The following FANCM variants were observed in gnomAD, a reference collection of about 807,000 sequenced individuals.
The protein encoded by FANCM is Fanconi anemia group M protein.
Under a neutral mutation model 199.5 loss-of-function variants are expected in FANCM, and 140 were observed. The ratio of observed to expected loss-of-function variants is 0.70; its 90% CI spans 0.61 to 0.81. The LOEUF (loss-of-function observed/expected upper bound fraction) is 0.81, where lower values mean the gene tolerates loss of function less well. Among genes scored for constraint, FANCM ranks in the 30% least tolerant of loss-of-function variants. FANCM has a pLI of 0.00. For missense variants in FANCM, 2,410 were observed against 2,421.4 expected (o/e 1.00, Z 0.10); for synonymous variants, 840 against 836.8 (o/e 1.00, Z -0.07).
At chr14:45,139,816 G>A (rs1402553521) in intron 2 of FANCM, among the ~76,000 whole-genome samples, 1 of 151,966 alleles carries the variant, frequency 6.6e-6, no homozygotes, top group Non-Finnish European at 1.5e-5. Context: ...TACAGAAAGT[G>A]AAAAAATTAG....
At chr14:45,184,660 CAAAAAAA>C (rs776110476) in intron 17 of FANCM, among the ~76,000 whole-genome samples, 1 of 62,180 alleles carries the variant, frequency 1.6e-5, no homozygotes, top group African/African-American at 6.1e-5. Context: ...GACTCTGTCT[CAAAAAAA>C]AAAAAAAAAA....
At chr14:45,154,543 A>G (rs563155197) in intron 6 of FANCM, among the ~76,000 whole-genome samples, 154 bp from the exon 7 acceptor site, 46 of 152,314 alleles carry the variant, frequency 3.0e-4, no homozygotes, top group African/African-American at 1.1e-3. Flanking sequence ...TCATTAATAC[A>G]TATATGAATG....
At chr14:45,172,424 G>T (rs888587881) in intron 12 of FANCM, among the ~76,000 whole-genome samples, 3 of 152,082 alleles carry the variant, frequency 2.0e-5, no homozygotes, top group Non-Finnish European at 2.9e-5. Context: ...GTTGATTTTT[G>T]TATAAGGTGA....
Position 45,175,975 on chromosome 14 carries a change from T to A in FANCM, c.3221T>A (p.Ile1074Asn), listed in dbSNP as rs774399423. Residue 1074 changes from isoleucine to asparagine, a missense_variant, in exon 14 of 23, where the codon ATT becomes AAT. Transcript: ENST00000267430. ...SCLYDIPNDN[I>N]SDEPSLCDCD... ...CTTTATGATATACCTAATGATAATA[T>A]TTCTGATGAGCCAAGTCTCTGTGAC... The A allele has an allele frequency of 6.2e-7, 1 of 1,613,706 alleles. No individual in the cohort carries two copies. The highest frequency in any genetic ancestry group is 8.5e-7 in the Non-Finnish European group (1 of 1,179,696).
At chr14:45,194,089 G>A (rs1889922483) in intron 20 of FANCM, among the ~76,000 whole-genome samples, 1 of 151,962 alleles carries the variant, frequency 6.6e-6, no homozygotes, top group Non-Finnish European at 1.5e-5. Context: ...ATCACCTGAG[G>A]CTAGGAGCTC....
intron 7 of FANCM, 79 bp downstream of exon 7, chr14:45,154,901 G>A (rs1887072709): frequency 3.8e-6 from 4 of 1,051,194 alleles, no homozygotes; most frequent in Non-Finnish European, 1.5e-6. Context: ...CTCCTTTGAT[G>A]CAAATGTCTA....
At chr14:45,155,569 G>A in intron 8 of FANCM, 110 bp downstream of exon 8, 1 of 634,552 alleles carries the variant, frequency 1.6e-6, no homozygotes, top group Non-Finnish European at 2.9e-6. Flanking sequence ...ACTTTGGGAG[G>A]CCGAGGATCA....
intron 14 of FANCM, among the ~76,000 whole-genome samples, chr14:45,178,450 G>T (rs1038421967): frequency 2.0e-5 from 3 of 152,086 alleles, no homozygotes; most frequent in Non-Finnish European, 4.4e-5. Context: ...TTACAAACAC[G>T]TATCATGGAA....
chr14:45,157,597 A>T (rs1181101758), intron 8 of FANCM, among the ~76,000 whole-genome samples: 1 of 152,214 alleles, frequency 6.6e-6, no homozygotes, highest in Non-Finnish European at 1.5e-5. Flanking sequence ...GAATGAGGGT[A>T]AAAAGGCAGG....
intron 11 of FANCM, among the ~76,000 whole-genome samples, chr14:45,167,743 TTGGATTTTA>T (rs1888085538): frequency 6.6e-6 from 1 of 152,192 alleles, no homozygotes; most frequent in Non-Finnish European, 1.5e-5. Context: ...TGTTTATTTT[TTGGATTTTA>T]CTTAATCTCT....
chr14:45,190,592 C>T (rs1358491311), intron 20 of FANCM, among the ~76,000 whole-genome samples: 1 of 152,078 alleles, frequency 6.6e-6, no homozygotes, highest in Non-Finnish European at 1.5e-5. Context: ...CCTTACTAAC[C>T]ACTATTCTGC....
At chr14:45,148,234 C>A (rs1273017544) in intron 3 of FANCM, among the ~76,000 whole-genome samples, 6 of 150,300 alleles carry the variant, frequency 4.0e-5, no homozygotes, top group East Asian at 1.9e-4. Flanking sequence ...CACACACACA[C>A]AAAACAACTT....
chr14:45,153,900 G>C lies in FANCM; in HGVS notation c.1051-20G>C. On this transcript the variant is annotated intron_variant, in intron 5 of 22. Transcript: ENST00000267430. ...TTCATTTATTTCTCTGGTTAAATTT[G>C]ACATATGCTGTTTTTCTAGGGAATA... The C allele has an allele frequency of 6.2e-7, 1 of 1,604,306 alleles. No homozygotes were observed. The highest frequency in any genetic ancestry group is 1.7e-5 in the Admixed American group (1 of 59,972).
rs757823478 is a variant in FANCM, at chr14:45,151,510, C to A, written c.1032C>A (p.Asn344Lys). The change falls in exon 5 of 23, where the codon AAC (asparagine) becomes AAA (lysine). Residue 344 changes from asparagine (N) to lysine (K), a missense_variant. Physicochemically the swap from Asn to Lys is moderately conservative, Grantham distance 94 (BLOSUM62 0). Transcript: ENST00000267430. ...IILARDQFRKNPSPNIVGIQQ... is the reference protein window; with the variant it reads ...IILARDQFRKKPSPNIVGIQQ... ...TGGCAAGAGATCAGTTTAGGAAAAACCCATCTCCGAATATTGTGGTAGGTA... is the reference window on the plus strand; with the variant it reads ...TGGCAAGAGATCAGTTTAGGAAAAAACCATCTCCGAATATTGTGGTAGGTA... 5 of 1,612,264 alleles carry A rather than the reference C, an allele frequency of 3.1e-6. No homozygotes were observed. In the Admixed American group the frequency reaches 6.7e-5, roughly 22 times the overall value.
intron 3 of FANCM, among the ~76,000 whole-genome samples, chr14:45,142,527 C>T (rs960988877): frequency 5.3e-5 from 8 of 151,798 alleles, no homozygotes; most frequent in Admixed American, 2.6e-4. Flanking sequence ...AGGCTGGTCT[C>T]GAGCTCCTGA....
chr14:45,187,494 GA>G (rs1889479621), intron 18 of FANCM, among the ~76,000 whole-genome samples: 1 of 151,856 alleles, frequency 6.6e-6, no homozygotes, highest in African/African-American at 2.4e-5. Flanking sequence ...CCTTTGTTTT[GA>G]AAGAAAAGTC....
intron 11 of FANCM, 69 bp downstream of exon 11, chr14:45,167,232 T>C: frequency 2.2e-6 from 2 of 889,070 alleles, no homozygotes; most frequent in Non-Finnish European, 3.8e-6. Context: ...TATCTTGATA[T>C]AATATTTCTT....
chr14:45,166,545 C>G (rs1887989184), intron 10 of FANCM, among the ~76,000 whole-genome samples: 1 of 151,988 alleles, frequency 6.6e-6, no homozygotes, highest in Non-Finnish European at 1.5e-5. Context: ...CTTGGGAGGC[C>G]AAAGCTGGAG....
chr14:45,151,000 A>G (rs1013039543), intron 4 of FANCM, among the ~76,000 whole-genome samples: 4 of 152,310 alleles, frequency 2.6e-5, no homozygotes, highest in South Asian at 4.1e-4. Context: ...TTTACAAACT[A>G]CTCTACAAAT....
Sources: allele counts gnomAD v4.1 joint callset (sites outside exome capture counted in the v4.1 genomes callset), GRCh38; gene constraint gnomAD v4.1.1; transcripts MANE v1.5; gene names NCBI Gene and HGNC (gene_info 2026-07-23, HGNC 2026-07-21).